Variants in KCNH8 observed in about 807,000 individuals in gnomAD.
KCNH8 encodes potassium voltage-gated channel subfamily H member 8.
Under a neutral mutation model 103.6 loss-of-function variants are expected in KCNH8, and 70 were observed. That is an observed-to-expected ratio of 0.68 (90% CI 0.56 to 0.82). KCNH8 has a LOEUF of 0.82. Ranked by LOEUF, KCNH8 falls within the 40% of genes least tolerant of loss-of-function variation. The pLI, the probability that KCNH8 is intolerant of heterozygous loss-of-function variation, is 0.00. For missense variants in KCNH8, 1,217 were observed against 1,329.9 expected, an observed-to-expected ratio of 0.92 and a Z score of 1.32; for synonymous variants, 498 against 489.4, an observed-to-expected ratio of 1.02 and a Z score of -0.23.
rs554449217 is a variant in KCNH8, at chr3:19,519,582, A to G, written c.2619+1508A>G. On this transcript the variant is annotated intron_variant, in intron 15 of 15. Transcript: ENST00000328405. ...GAAAAGGAATACTAGATGGTCCACTAACTGGTTTGAAAATACTTAAATCAC... is the reference window on the plus strand; with the variant it reads ...GAAAAGGAATACTAGATGGTCCACTGACTGGTTTGAAAATACTTAAATCAC... Among the ~76,000 whole-genome samples the G allele has an allele frequency of 9.3e-5, 14 of 151,116 alleles. No homozygotes were observed. The East Asian group carries it at 2.7e-3, about 30-fold the overall frequency.
At chr3:19,170,647 CACACACATATAT>C (rs1475491234) in intron 1 of KCNH8, among the ~76,000 whole-genome samples, 2 of 137,632 alleles carry the variant, frequency 1.5e-5, no homozygotes, top group Non-Finnish European at 3.0e-5. Flanking sequence ...CATATATATA[CACACACATATAT>C]ACACACATAT....
At chr3:19,451,809 T>C (rs2067452159) in intron 10 of KCNH8, among the ~76,000 whole-genome samples, 1 of 152,160 alleles carries the variant, frequency 6.6e-6, no homozygotes, top group Admixed American at 6.6e-5. Context: ...AACACAAAAA[T>C]TAAATTGTAC....
intron 5 of KCNH8, among the ~76,000 whole-genome samples, chr3:19,372,624 C>T (rs2066118546): frequency 1.3e-5 from 2 of 152,058 alleles, no homozygotes; most frequent in South Asian, 4.2e-4. Context: ...GCCTAATTGC[C>T]CTGGCCAGAA....
rs749435634 is a variant in KCNH8 at position 19,529,415 on chromosome 3, CAT to C, written c.2620-3979_2620-3978del. ...CGTGCAGGTTTGTTACATATGTACA[CAT>C]GTCTTCTTGAGTGGACAGAGCTTTG... On this transcript the variant is annotated intron_variant, in intron 15 of 15. Transcript: ENST00000328405. 1.6e-4 allele frequency among the ~76,000 whole-genome samples: 24 copies of C among 152,274 alleles called. No individual in the cohort carries two copies. In the East Asian group the frequency reaches 2.3e-3, roughly 15 times the overall value.
At chr3:19,441,710 A>G (rs996434270) in intron 8 of KCNH8, among the ~76,000 whole-genome samples, 1 of 152,180 alleles carries the variant, frequency 6.6e-6, no homozygotes, top group African/African-American at 2.4e-5. Context: ...TTTCTGCCCC[A>G]CAATATTCCC....
chr3:19,375,305 G>T (rs6114184), intron 5 of KCNH8, among the ~76,000 whole-genome samples: 3 of 147,578 alleles, frequency 2.0e-5, no homozygotes, highest in Non-Finnish European at 4.5e-5. Flanking sequence ...TTGCTCATTT[G>T]TTTTTATTCT....
chr3:19,501,345 G>T (rs1435625646), intron 11 of KCNH8, among the ~76,000 whole-genome samples: 3 of 152,166 alleles, frequency 2.0e-5, no homozygotes. Flanking sequence ...TCTACCAGAG[G>T]TGCAAGGAGG....
intron 2 of KCNH8, among the ~76,000 whole-genome samples, chr3:19,265,422 C>T (rs554263429): frequency 3.3e-5 from 5 of 152,202 alleles, no homozygotes; most frequent in Non-Finnish European, 5.9e-5. Context: ...TGTGACTGCA[C>T]AGACCGCATG....
chr3:19,489,521 C>G (rs1472001053), intron 11 of KCNH8, among the ~76,000 whole-genome samples: 1 of 152,106 alleles, frequency 6.6e-6, no homozygotes, highest in Non-Finnish European at 1.5e-5. Context: ...AGGGACCTGT[C>G]CAGGCTTCCT....
At chr3:19,334,538 T>C (rs989248616) in intron 3 of KCNH8, among the ~76,000 whole-genome samples, 1 of 152,090 alleles carries the variant, frequency 6.6e-6, no homozygotes, top group Non-Finnish European at 1.5e-5. Flanking sequence ...ATATTCAAAA[T>C]TTATATTGAA....
intron 1 of KCNH8, among the ~76,000 whole-genome samples, chr3:19,195,320 A>G (rs1256293158): frequency 1.3e-5 from 2 of 151,790 alleles, no homozygotes; most frequent in African/African-American, 4.8e-5. Flanking sequence ...TCCTGTCTCT[A>G]TTCTATTCTG....
At chr3:19,173,401 G>A (rs1375993012) in intron 1 of KCNH8, among the ~76,000 whole-genome samples, 1 of 152,138 alleles carries the variant, frequency 6.6e-6, no homozygotes, top group Non-Finnish European at 1.5e-5. Flanking sequence ...TTGAGTATCT[G>A]CTATGTGCCA....
intron 8 of KCNH8, among the ~76,000 whole-genome samples, chr3:19,447,457 G>A (rs990324584): frequency 6.6e-6 from 1 of 151,914 alleles, no homozygotes; most frequent in Non-Finnish European, 1.5e-5. Flanking sequence ...TACTTTAAGT[G>A]CTTTACACAT....
chr3:19,337,206 TA>T (rs1292815095), intron 3 of KCNH8, among the ~76,000 whole-genome samples: 1 of 152,104 alleles, frequency 6.6e-6, no homozygotes, highest in East Asian at 1.9e-4. Flanking sequence ...TGATGATCTT[TA>T]GGTTTGTTTT....
intron 11 of KCNH8, among the ~76,000 whole-genome samples, chr3:19,472,280 C>G (rs947689438): frequency 6.0e-5 from 9 of 150,972 alleles, no homozygotes; most frequent in Non-Finnish European, 1.2e-4. Flanking sequence ...TGTTAGAACA[C>G]AAAGGCACTT....
At chr3:19,528,491 A>G (rs1004040284) in intron 15 of KCNH8, among the ~76,000 whole-genome samples, 4 of 152,226 alleles carry the variant, frequency 2.6e-5, no homozygotes, top group South Asian at 4.1e-4. Flanking sequence ...AGGAAACACA[A>G]TAAGGGAAAA....
chr3:19,333,386 A>T (rs1162391938), intron 3 of KCNH8, among the ~76,000 whole-genome samples: 1 of 152,200 alleles, frequency 6.6e-6, no homozygotes, highest in Non-Finnish European at 1.5e-5. Context: ...TAAATCAACA[A>T]AAGATTTTTT....
chr3:19,266,242 T>C (rs985408440), intron 2 of KCNH8, among the ~76,000 whole-genome samples: 3 of 152,100 alleles, frequency 2.0e-5, no homozygotes, highest in Non-Finnish European at 2.9e-5. Flanking sequence ...CCTGTTTCTG[T>C]CCTCCCTGTT....
rs930808249 is a variant in KCNH8 at position 19,188,568 on chromosome 3, T to G, written c.76+39773T>G. On this transcript the variant is annotated intron_variant, in intron 1 of 15. Coordinates refer to ENST00000328405, the MANE Select transcript of KCNH8 (RefSeq NM_144633.3). ...TCTCAAAAATTTAATAAAAATCGAT[T>G]TATAAATATATACTCTTTAACAAAT... Among the ~76,000 whole-genome samples the G allele has an allele frequency of 2.9e-4, 44 of 152,038 alleles. 1 individual carries two copies. Among genetic ancestry groups the G allele is most frequent in the African/African-American group, 1.1e-3 (44 of 41,406 alleles).
Sources: gnomAD v4.1 joint callset for allele counts (sites outside exome capture counted in the v4.1 genomes callset) on GRCh38, gnomAD v4.1.1 for gene constraint, MANE v1.5 for transcripts, NCBI Gene and HGNC (gene_info 2026-07-23, HGNC 2026-07-21) for gene names.